The following PDXDC1 variants were observed in gnomAD, a reference collection of about 807,000 sequenced individuals.
PDXDC1 encodes the protein pyridoxal-dependent decarboxylase domain-containing protein 1.
In PDXDC1, 42 loss-of-function variants were observed where a neutral mutation model predicts 100.1. The ratio of observed to expected loss-of-function variants is 0.42; its 90% CI spans 0.33 to 0.54. The LOEUF (loss-of-function observed/expected upper bound fraction) is 0.54. Ranked by LOEUF, PDXDC1 falls within the 20% of genes least tolerant of loss-of-function variation. The pLI is 0.10. For synonymous variants in PDXDC1, 260 were observed against 371.7 expected (o/e 0.70, Z 3.46); for missense variants, 636 against 979.2 (o/e 0.65, Z 4.68).
chr16:14,983,941 T>C (rs886606600), intron 1 of PDXDC1, among the ~76,000 whole-genome samples: 1 of 152,222 alleles, frequency 6.6e-6, no homozygotes, highest in African/African-American at 2.4e-5. Flanking sequence ...GGAAGGAGGA[T>C]CTCTTGAGCC....
At chr16:15,125,668 A>G (rs1342936958) in intron 16 of PDXDC1, 1 of 1,322,134 alleles carries the variant, frequency 7.6e-7, no homozygotes, top group East Asian at 2.3e-5. Context: ...AGCCCAGCCC[A>G]GGACCCCCAG....
At chr16:15,133,962 C>T in intron 16 of PDXDC1, 6 of 1,357,964 alleles carry the variant, frequency 4.4e-6, no homozygotes, top group Non-Finnish European at 6.1e-6. Context: ...GTATCCCTCG[C>T]CGTCCCGCAG....
intron 16 of PDXDC1, chr16:15,086,043 G>A: frequency 8.4e-7 from 1 of 1,190,386 alleles, no homozygotes; most frequent in Non-Finnish European, 1.2e-6. Flanking sequence ...AATCTTCCAT[G>A]GTAGCAGTCT....
intron 16 of PDXDC1, among the ~76,000 whole-genome samples, chr16:15,080,659 G>C (rs989009097): frequency 6.6e-6 from 1 of 152,104 alleles, no homozygotes; most frequent in Non-Finnish European, 1.5e-5. Flanking sequence ...TTCAACTCCT[G>C]GATCTTCCCA....
At chr16:15,095,021 G>A (rs182950975) in intron 16 of PDXDC1, among the ~76,000 whole-genome samples, 3 of 152,028 alleles carry the variant, frequency 2.0e-5, no homozygotes, top group African/African-American at 7.2e-5. Flanking sequence ...TATTTTTAGT[G>A]GAGACGGGGT....
chr16:15,039,950 A>C, downstream of PDXDC1: 1 of 1,456,200 alleles, frequency 6.9e-7, no homozygotes. Context: ...CCCCTTAACA[A>C]AGATGATTTG....
intron 16 of PDXDC1, among the ~76,000 whole-genome samples, chr16:15,057,907 T>C (rs2151745750): frequency 6.6e-6 from 1 of 152,246 alleles, no homozygotes; most frequent in East Asian, 1.9e-4. Context: ...TCTCCTAGGC[T>C]GAGTACTGTG....
intron 1 of PDXDC1, chr16:14,988,893 A>C (rs1370535379): frequency 6.2e-7 from 1 of 1,613,762 alleles, no homozygotes; most frequent in South Asian, 1.1e-5. Flanking sequence ...AGAGAGCTGC[A>C]GGATCTGCTG....
At chr16:15,076,219 A>G (rs537305455) in intron 16 of PDXDC1, among the ~76,000 whole-genome samples, 79 of 152,214 alleles carry the variant, frequency 5.2e-4, no homozygotes, top group Admixed American at 9.2e-4. Flanking sequence ...GTAATGCTAT[A>G]AAGTGTACAA....
At chr16:15,145,505 C>T in the PDXDC1 span, among the ~76,000 whole-genome samples, 7 of 152,254 alleles carry the variant, frequency 4.6e-5, no homozygotes, top group Non-Finnish European at 8.8e-5. Context: ...TCCGAGGTGG[C>T]CTGACAGAAG....
chr16:15,011,819 G>GCCGGCCACCA (rs2041319531), intron 8 of PDXDC1, among the ~76,000 whole-genome samples: 1 of 152,198 alleles, frequency 6.6e-6, no homozygotes, highest in African/African-American at 2.4e-5. Context: ...GCACGCCACC[G>GCCGGCCACCA]TGCCGGGCTA....
intron 16 of PDXDC1, among the ~76,000 whole-genome samples, chr16:15,092,288 CAT>C (rs1187572809): frequency 6.6e-6 from 1 of 152,100 alleles, no homozygotes; most frequent in Non-Finnish European, 1.5e-5. Flanking sequence ...TCAGTAAAGA[CAT>C]TATTACTCTC....
At chr16:15,023,765 C>G (rs1171191171) in intron 13 of PDXDC1, among the ~76,000 whole-genome samples, 1 of 152,288 alleles carries the variant, frequency 6.6e-6, no homozygotes, top group Non-Finnish European at 1.5e-5. Context: ...GGAGTTCTAT[C>G]CTTGGACGAG....
intron 1 of PDXDC1, among the ~76,000 whole-genome samples, chr16:14,980,835 A>G (rs1246190160): frequency 6.6e-6 from 1 of 152,388 alleles, no homozygotes; most frequent in East Asian, 1.9e-4. Flanking sequence ...CCTGACCTCA[A>G]GTAATCTGCC....
intron 1 of PDXDC1, among the ~76,000 whole-genome samples, chr16:14,986,770 A>G (rs529785885): frequency 6.6e-6 from 1 of 152,412 alleles, no homozygotes; most frequent in South Asian, 2.1e-4. Flanking sequence ...TGTTTGAGAC[A>G]GAGTCTTGCT....
intron 16 of PDXDC1, among the ~76,000 whole-genome samples, chr16:15,083,042 A>G (rs2045769436): frequency 6.6e-6 from 1 of 152,232 alleles, no homozygotes; most frequent in South Asian, 2.1e-4. Flanking sequence ...CCGCTTTATA[A>G]GAAAGGAATC....
intron 21 of PDXDC1, 91 bp downstream of exon 21, chr16:15,034,644 C>T (rs552130254): frequency 7.8e-5 from 72 of 921,828 alleles, no homozygotes; most frequent in South Asian, 1.2e-4. Context: ...CTGAGAATCC[C>T]GCCCTGGTTC....
intron 16 of PDXDC1, chr16:15,104,567 C>CGCTGAGGGTAGA (rs1192355041): frequency 6.3e-7 from 1 of 1,597,468 alleles, no homozygotes; most frequent in African/African-American, 1.3e-5. Context: ...GATTATCATC[C>CGCTGAGGGTAGA]GCTGAGGGTG....
At chr16:15,077,399 T>C (rs1337705020) in intron 16 of PDXDC1, among the ~76,000 whole-genome samples, 3 of 152,086 alleles carry the variant, frequency 2.0e-5, no homozygotes, top group Non-Finnish European at 4.4e-5. Flanking sequence ...TGATAGTGAA[T>C]AAGTCTCAAG....
Sources: gnomAD v4.1 joint callset for allele counts (sites outside exome capture counted in the v4.1 genomes callset) on GRCh38, gnomAD v4.1.1 for gene constraint, MANE v1.5 for transcripts, NCBI Gene and HGNC (gene_info 2026-07-23, HGNC 2026-07-21) for gene names.